ATP2A1: variants seen among roughly 807,000 people sequenced by gnomAD.
The protein encoded by ATP2A1 is ATPase sarcoplasmic/endoplasmic reticulum Ca2+ transporting 1.
ATP2A1 carries 83 observed loss-of-function variants against 109.5 expected under a neutral mutation model. The ratio of observed to expected loss-of-function variants is 0.76; its 90% CI spans 0.63 to 0.91. The LOEUF (loss-of-function observed/expected upper bound fraction) is 0.91. ATP2A1 is among the 40% of genes least tolerant of loss of function. The pLI, the probability that ATP2A1 is intolerant of heterozygous loss-of-function variation, is 0.00. For missense variants in ATP2A1, 1,101 were observed against 1,341.0 expected, an observed-to-expected ratio of 0.82 and a Z score of 2.80; for synonymous variants, 505 against 537.6, an observed-to-expected ratio of 0.94 and a Z score of 0.84.
At chr16:28,878,941 A>G in intron 1 of ATP2A1, 152 bp downstream of exon 1, 2 of 1,343,062 alleles carry the variant, frequency 1.5e-6, no homozygotes, top group Non-Finnish European at 1.1e-6. Flanking sequence ...GATACTGAGA[A>G]AACAGAGTCC....
At chr16:28,892,118 T>C (rs942090185) in intron 9 of ATP2A1, among the ~76,000 whole-genome samples, 2 of 152,134 alleles carry the variant, frequency 1.3e-5, no homozygotes, top group African/African-American at 4.8e-5. Context: ...TTATGCTATT[T>C]TGAGAGATCT....
At chr16:28,887,146 G>A (rs951356215) in intron 6 of ATP2A1, 43 bp from the exon 7 acceptor site, 5 of 1,592,666 alleles carry the variant, frequency 3.1e-6, no homozygotes. Context: ...CCTGGGAGAA[G>A]GACATGATGT....
At chr16:28,891,254 C>T (rs1257056656) in intron 9 of ATP2A1, among the ~76,000 whole-genome samples, 2 of 150,576 alleles carry the variant, frequency 1.3e-5, no homozygotes, top group Admixed American at 1.3e-4. Context: ...TGAGATTGCG[C>T]CATTGCACCC....
chr16:28,900,619 C>T lies in ATP2A1; in HGVS notation c.1803C>T (p.Asp601=), dbSNP rs201500178. 2.7e-5 allele frequency: 43 copies of T among 1,588,432 alleles called. No homozygotes were observed. In the East Asian group the frequency reaches 7.9e-4, roughly 29 times the overall value. Residue 601 remains aspartate, a synonymous_variant, in exon 15 of 23, where the codon GAC becomes GAT. Transcript: ENST00000395503. ...LTFVGVVGML[D]PPRKEVTGSI... Reference sequence around the variant, plus strand: ...TCGTGGGTGTAGTGGGCATGCTGGACCCTCCGCGCAAGGAGGTCACGGGCT... The same window carrying T: ...TCGTGGGTGTAGTGGGCATGCTGGATCCTCCGCGCAAGGAGGTCACGGGCT...
In ATP2A1 at chr16:28,904,382, T is replaced by G. The variant is rs1397547428; in HGVS notation, c.*240T>G. 6.5e-7 allele frequency: 1 copy of G among 1,536,038 alleles called. No homozygotes were observed. Among genetic ancestry groups the G allele is most frequent in the Non-Finnish European group, 8.7e-7 (1 of 1,146,590 alleles). On this transcript the variant is annotated 3_prime_UTR_variant, in exon 23 of 23. Transcript: ENST00000395503. ...CCCTCTCAACCTTGTAAATTCCCCT[T>G]CCCAACCCCGAGGGGCTTGCAGGGA... is the stretch of plus-strand genomic sequence containing the variant.
In ATP2A1 at chr16:28,898,085, A is replaced by T. The variant is rs779188171; in HGVS notation, c.1505A>T (p.Lys502Ile). ...KSMSVYCSPAKSSRAAVGNKM... is the reference protein window; with the variant it reads ...KSMSVYCSPAISSRAAVGNKM... The stretch of plus-strand genomic sequence containing the variant: ...ATGTCTGTCTATTGCTCCCCAGCCA[A>T]ATCTTCCCGGGCTGCTGTGGGCAAC... Residue 502 changes from lysine (K) to isoleucine (I), a missense_variant, in exon 13 of 23, where the codon AAA (lysine) becomes ATA (isoleucine). Lys to Ile is a moderately radical substitution (Grantham distance 102, BLOSUM62 -3). Transcript: ENST00000395503. This position sits in a 1 kb window ranked among gnomAD's most constrained non-coding sequence, Gnocchi z 4.0. 2 of 1,614,068 alleles carry T rather than the reference A, an allele frequency of 1.2e-6. No individual in the cohort carries two copies. Among genetic ancestry groups the T allele is most frequent in the Admixed American group, 3.3e-5 (2 of 59,996 alleles).
chr16:28,884,426 C>T, intron 5 of ATP2A1, 149 bp from the exon 6 acceptor site: 1 of 736,436 alleles, frequency 1.4e-6, no homozygotes, highest in Non-Finnish European at 2.3e-6. Flanking sequence ...TTCAGGAGCT[C>T]AAGCCAAGGG....
chr16:28,889,254 A>T (rs1343676787), intron 9 of ATP2A1, among the ~76,000 whole-genome samples: 1 of 151,720 alleles, frequency 6.6e-6, no homozygotes, highest in Admixed American at 6.6e-5. Context: ...TTTTTTAATT[A>T]AAAAAAATTA....
At position 28,901,921 on chromosome 16, in the gene ATP2A1, T is replaced by C. The variant is rs1964085892; in HGVS notation, c.2159T>C (p.Met720Thr). ...ALKKAEIGIAMGSGTAVAKTA... is the reference protein window; with the variant it reads ...ALKKAEIGIATGSGTAVAKTA... ...AAGAAGGCTGAGATTGGCATTGCCATGGGATCTGGCACTGCCGTGGCCAAG... is the reference window on the plus strand; with the variant it reads ...AAGAAGGCTGAGATTGGCATTGCCACGGGATCTGGCACTGCCGTGGCCAAG... The change falls in exon 16 of 23, where the codon ATG (methionine) becomes ACG (threonine). Residue 720 changes from methionine (M) to threonine (T), a missense_variant. Physicochemically the swap from Met to Thr is moderately conservative, Grantham distance 81. Transcript: ENST00000395503. The C allele has an allele frequency of 6.2e-7, 1 of 1,614,238 alleles. No homozygotes were observed.
intron 9 of ATP2A1, among the ~76,000 whole-genome samples, chr16:28,889,270 A>G (rs1043779524): frequency 3.3e-5 from 5 of 151,822 alleles, no homozygotes; most frequent in Non-Finnish European, 7.4e-5. Flanking sequence ...AATTATTATT[A>G]TTTTGAGACA....
Position 28,902,451 on chromosome 16 carries a change from G to C in ATP2A1, c.2524+65G>C. 1.3e-6 allele frequency: 2 copies of C among 1,587,626 alleles called. No individual in the cohort carries two copies. The highest frequency in any genetic ancestry group is 8.6e-7 in the Non-Finnish European group (1 of 1,160,674). ...GACTAACCCCCTCTCTGGGACACCA[G>C]CTCCCCCATGCAGGTGCTGAGAGGG... On this transcript the variant is annotated intron_variant, in intron 17 of 22. Coordinates refer to ENST00000395503, the MANE Select transcript of ATP2A1 (RefSeq NM_004320.6). This position sits in a 1 kb window ranked among gnomAD's most constrained non-coding sequence, Gnocchi z 4.8.
At chr16:28,893,936 C>T (rs982067627) in intron 9 of ATP2A1, among the ~76,000 whole-genome samples, 1 of 152,004 alleles carries the variant, frequency 6.6e-6, no homozygotes, top group Non-Finnish European at 1.5e-5. Flanking sequence ...TGAGCCACCT[C>T]GCCCAGCCTC....
chr16:28,902,015 C>G lies in ATP2A1; in HGVS notation c.2253C>G (p.Arg751=). The change falls in exon 16 of 23, where the codon CGC becomes CGG. Residue 751 remains arginine (R), a synonymous_variant. Transcript: ENST00000395503. The surrounding 1 kb of genome is among the most constrained non-coding windows in gnomAD (Gnocchi z 4.8). ...TCGTAGCTGCTGTGGAGGAGGGCCG[C>G]GCCATCTACAACAACATGAAGCAGT... ...STIVAAVEEG[R]AIYNNMKQFI... is the part of the protein sequence containing the mutation. The G allele has an allele frequency of 6.2e-7, 1 of 1,614,228 alleles. No homozygotes were observed. Among genetic ancestry groups the G allele is most frequent in the African/African-American group, 1.3e-5 (1 of 75,050 alleles).
At chr16:28,899,219 C>T (rs1395133354) in intron 14 of ATP2A1, among the ~76,000 whole-genome samples, 2 of 152,194 alleles carry the variant, frequency 1.3e-5, no homozygotes, top group South Asian at 4.1e-4. Context: ...ACTAGACCAG[C>T]GCCAGAATGG....
chr16:28,882,318 T>G, intron 4 of ATP2A1, 133 bp from the exon 5 acceptor site: 1 of 1,345,904 alleles, frequency 7.4e-7, no homozygotes, highest in Non-Finnish European at 1.0e-6. Flanking sequence ...TTTTCACCTG[T>G]AGGTGACAGT....
intron 2 of ATP2A1, 119 bp from the exon 3 acceptor site, chr16:28,879,382 A>G (rs1450620518): frequency 1.9e-6 from 2 of 1,026,088 alleles, no homozygotes; most frequent in African/African-American, 1.6e-5. Flanking sequence ...TCTGGGCACC[A>G]AGCTGTCTGC....
chr16:28,879,441 A>G, intron 2 of ATP2A1, 60 bp from the exon 3 acceptor site: 1 of 1,525,684 alleles, frequency 6.6e-7, no homozygotes, highest in Non-Finnish European at 9.1e-7. Context: ...AGGGCGCTCC[A>G]TCCCAGACCT....
chr16:28,889,457 C>T (rs1963708623), intron 9 of ATP2A1, among the ~76,000 whole-genome samples: 2 of 151,940 alleles, frequency 1.3e-5, no homozygotes, highest in Non-Finnish European at 2.9e-5. Context: ...CAGGGTTCGC[C>T]ATGTTGGCCA....
rs757012408 is a variant in ATP2A1, at chr16:28,902,274, C to T, written c.2412C>T (p.Ala804=). 2 of 1,614,144 alleles carry T rather than the reference C, an allele frequency of 1.2e-6. No individual in the cohort carries two copies. The highest frequency in any genetic ancestry group is 2.2e-5 in the South Asian group (2 of 91,080). Residue 804 remains alanine (A), a synonymous_variant, in exon 17 of 23, where the codon GCC becomes GCT. Coordinates refer to ENST00000395503, the MANE Select transcript of ATP2A1 (RefSeq NM_004320.6). The surrounding 1 kb of genome is among the most constrained non-coding windows in gnomAD (Gnocchi z 4.8). ...ACTTGGTGACCGACGGGCTCCCAGC[C>T]ACAGCCCTGGGCTTCAACCCACCAG... The part of the protein sequence containing the change: ...WVNLVTDGLP[A]TALGFNPPDL...
Sources: allele counts gnomAD v4.1 joint callset (sites outside exome capture counted in the v4.1 genomes callset), GRCh38; gene constraint gnomAD v4.1.1; non-coding constraint Gnocchi (gnomAD v3.1); transcripts MANE v1.5; gene names NCBI Gene and HGNC (gene_info 2026-07-23, HGNC 2026-07-21).